Variants in MAGI2 observed in about 807,000 individuals in gnomAD.
MAGI2 encodes the protein membrane associated guanylate kinase, WW and PDZ domain containing 2.
In MAGI2, 35 loss-of-function variants were observed where a neutral mutation model predicts 133.3. The observed-to-expected ratio is 0.26, with a 90% confidence interval of 0.20 to 0.35. MAGI2 has a LOEUF of 0.35. Among genes scored for constraint, MAGI2 ranks in the 10% least tolerant of loss-of-function variants. MAGI2 has a pLI of 1.00. For missense variants in MAGI2, 1,636 were observed against 1,863.4 expected, an observed-to-expected ratio of 0.88 and a Z score of 2.25; for synonymous variants, 729 against 710.6, an observed-to-expected ratio of 1.03 and a Z score of -0.41.
At chr7:79,087,873 G>T (rs952514019) in intron 1 of MAGI2, among the ~76,000 whole-genome samples, 2 of 152,066 alleles carry the variant, frequency 1.3e-5, no homozygotes, top group Non-Finnish European at 2.9e-5. Context: ...TTTGGTACCA[G>T]TGCCATGCTG....
intron 1 of MAGI2, among the ~76,000 whole-genome samples, chr7:79,130,620 A>T (rs1820848728): frequency 6.6e-6 from 1 of 152,190 alleles, no homozygotes; most frequent in Non-Finnish European, 1.5e-5. Flanking sequence ...CATTTGTAAG[A>T]TGAGATCAAT....
At chr7:78,943,133 C>G (rs536344600) in intron 2 of MAGI2, among the ~76,000 whole-genome samples, 1 of 152,146 alleles carries the variant, frequency 6.6e-6, no homozygotes, top group East Asian at 1.9e-4. Flanking sequence ...CTTCAAGGAG[C>G]AGTTTTGAGG....
Position 78,019,587 on chromosome 7 carries a change from TCCCG to T in MAGI2, c.4092_4095del (p.Gly1365ArgfsTer108), listed in dbSNP as rs1422318947. ...CCCGCCGCCGCACGGGGCGCCTCCT[TCCCG>T]CCCGCCCGCGCCGCGTCCGCCGCGT... On this transcript the variant is annotated frameshift_variant, in exon 22 of 22. Transcript: ENST00000354212. LOFTEE classifies it low-confidence loss of function (END_TRUNC). 1 of 979,746 alleles carries T rather than the reference TCCCG, an allele frequency of 1.0e-6. No homozygotes were observed. Among genetic ancestry groups the T allele is most frequent in the Non-Finnish European group, 1.2e-6 (1 of 828,118 alleles). 60.7% of individuals were successfully genotyped at this position (979,746 alleles called of 1,614,324 possible).
At chr7:78,844,255 T>A (rs1007386040) in intron 2 of MAGI2, among the ~76,000 whole-genome samples, 2 of 151,652 alleles carry the variant, frequency 1.3e-5, no homozygotes, top group Non-Finnish European at 2.9e-5. Flanking sequence ...TTGATCTGCT[T>A]TTCACTTAAA....
intron 14 of MAGI2, among the ~76,000 whole-genome samples, chr7:78,176,908 GACACACACAC>G (rs200781303): frequency 2.7e-3 from 346 of 130,480 alleles, no homozygotes; most frequent in Non-Finnish European, 3.3e-3. Context: ...ACCATATATA[GACACACACAC>G]ACACACACAC....
chr7:78,174,676 C>T (rs569441113), intron 14 of MAGI2, among the ~76,000 whole-genome samples: 1 of 152,248 alleles, frequency 6.6e-6, no homozygotes, highest in East Asian at 1.9e-4. Flanking sequence ...ATGGTTTATG[C>T]TAAGGAGATG....
intron 1 of MAGI2, among the ~76,000 whole-genome samples, chr7:79,025,621 C>T (rs779780992): frequency 4.0e-5 from 6 of 149,900 alleles, no homozygotes; most frequent in Non-Finnish European, 7.4e-5. Context: ...GGTATGTGTC[C>T]GTAAAAAGAA....
intron 3 of MAGI2, among the ~76,000 whole-genome samples, chr7:78,528,877 A>G (rs1797201989): frequency 6.6e-6 from 1 of 152,138 alleles, no homozygotes; most frequent in Non-Finnish European, 1.5e-5. Context: ...ACCAAATAGC[A>G]TTTTGTCATC....
chr7:78,072,150 G>C (rs1292463604), intron 21 of MAGI2, among the ~76,000 whole-genome samples: 1 of 152,078 alleles, frequency 6.6e-6, no homozygotes, highest in South Asian at 2.1e-4. Flanking sequence ...ATTCAGACAA[G>C]GTCTCAGTAG....
At chr7:78,832,612 G>A (rs563017) in intron 2 of MAGI2, among the ~76,000 whole-genome samples, 142,993 of 152,240 alleles carry the variant, frequency 0.94, 67,669 homozygotes, top group Non-Finnish European at 1. Context: ...GAGTTTGACC[G>A]TCAGGGAGGA....
intron 1 of MAGI2, among the ~76,000 whole-genome samples, chr7:79,019,825 A>G (rs1225744575): frequency 6.6e-6 from 1 of 152,188 alleles, no homozygotes; most frequent in Non-Finnish European, 1.5e-5. Flanking sequence ...GATTACAGGC[A>G]TGAGCCACTG....
chr7:78,733,718 T>C (rs765390179), intron 2 of MAGI2, among the ~76,000 whole-genome samples: 5 of 152,162 alleles, frequency 3.3e-5, no homozygotes, highest in Non-Finnish European at 5.9e-5. Flanking sequence ...CAGCAAAATC[T>C]TTATATTGTG....
intron 1 of MAGI2, among the ~76,000 whole-genome samples, chr7:79,046,502 C>T (rs563982154): frequency 1.1e-3 from 175 of 152,256 alleles, no homozygotes; most frequent in South Asian, 2.7e-3. Context: ...ACAGCCCTAG[C>T]GAAGTAATAC....
At chr7:78,717,171 C>G (rs550418316) in intron 2 of MAGI2, among the ~76,000 whole-genome samples, 1 of 152,152 alleles carries the variant, frequency 6.6e-6, no homozygotes, top group Admixed American at 6.5e-5. Context: ...GGTGCTCCCC[C>G]TCCGCAGGTC....
At chr7:78,654,766 G>A (rs1463320085) in intron 2 of MAGI2, among the ~76,000 whole-genome samples, 3 of 133,330 alleles carry the variant, frequency 2.3e-5, no homozygotes, top group Non-Finnish European at 3.1e-5. Flanking sequence ...ATTTTGCATC[G>A]CAACTGGAAC....
chr7:78,148,965 G>T (rs1351844957), intron 16 of MAGI2, among the ~76,000 whole-genome samples: 7 of 152,140 alleles, frequency 4.6e-5, no homozygotes, highest in African/African-American at 7.2e-5. Flanking sequence ...ATAATAGGTA[G>T]TATGAAGGGT....
intron 1 of MAGI2, among the ~76,000 whole-genome samples, chr7:79,027,616 T>A (rs1810028786): frequency 6.6e-6 from 1 of 152,168 alleles, no homozygotes; most frequent in Non-Finnish European, 1.5e-5. Context: ...CTGCACGATA[T>A]GGTGAATGTA....
At chr7:78,075,502 G>C (rs966718357) in intron 21 of MAGI2, among the ~76,000 whole-genome samples, 7 of 151,260 alleles carry the variant, frequency 4.6e-5, no homozygotes, top group African/African-American at 1.5e-4. Flanking sequence ...TCAGCCTCCT[G>C]AGTAGCTGGG....
intron 1 of MAGI2, among the ~76,000 whole-genome samples, chr7:79,016,613 T>A (rs1286316398): frequency 1.5e-4 from 23 of 152,098 alleles, no homozygotes; most frequent in Non-Finnish European, 1.0e-4. Context: ...GCAGGTAAGC[T>A]TGGGTAGACC....
Sources: gnomAD v4.1 joint callset for allele counts (sites outside exome capture counted in the v4.1 genomes callset) on GRCh38, gnomAD v4.1.1 for gene constraint, MANE v1.5 for transcripts, NCBI Gene and HGNC (gene_info 2026-07-23, HGNC 2026-07-21) for gene names.